CPS1: variants seen among roughly 807,000 people sequenced by gnomAD.
The protein encoded by CPS1 is carbamoyl-phosphate synthase 1.
Under a neutral mutation model 174.6 loss-of-function variants are expected in CPS1, and 109 were observed. The observed-to-expected ratio is 0.62, with a 90% CI of 0.53 to 0.73. The LOEUF is 0.73. Ranked by LOEUF, CPS1 falls within the 30% of genes least tolerant of loss-of-function variation. The pLI, the probability that CPS1 is intolerant of heterozygous loss-of-function variation, is 0.00. For synonymous variants in CPS1, 637 were observed against 632.0 expected (o/e 1.01, Z -0.12); for missense variants, 1,689 against 1,821.9 (o/e 0.93, Z 1.33).
chr2:210,674,797 G>A (rs545424670), intron 34 of CPS1, 105 bp from the exon 35 acceptor site: 81 of 949,250 alleles, frequency 8.5e-5, no homozygotes, highest in Admixed American at 2.9e-4. Context: ...TAAAGCATCC[G>A]GCAACATGTA....
upstream of CPS1, chr2:210,555,586 T>C: frequency 2.2e-6 from 1 of 455,268 alleles, no homozygotes; most frequent in South Asian, 1.6e-5. Flanking sequence ...TAGCACTGAT[T>C]CTATGTTATT....
intron 1 of CPS1, among the ~76,000 whole-genome samples, chr2:210,547,077 G>A (rs1200492701): frequency 6.6e-6 from 1 of 152,052 alleles, no homozygotes; most frequent in Non-Finnish European, 1.5e-5. Flanking sequence ...ATCTTGGCCT[G>A]TTACTAGCGC....
chr2:210,536,277 T>G, intron 1 of CPS1, among the ~76,000 whole-genome samples: 1 of 151,924 alleles, frequency 6.6e-6, no homozygotes, highest in Non-Finnish European at 1.5e-5. Flanking sequence ...TTTTTCTGGA[T>G]AGTTTTAAAT....
At chr2:210,511,375 C>A (rs973036353) in intron 1 of CPS1, among the ~76,000 whole-genome samples, 11 of 151,882 alleles carry the variant, frequency 7.2e-5, no homozygotes, top group Non-Finnish European at 1.3e-4. Context: ...ACACTTGGGG[C>A]CTGTTGTGGG....
intron 11 of CPS1, 127 bp downstream of exon 11, chr2:210,593,083 A>T (rs2106113607): frequency 1.2e-6 from 1 of 866,870 alleles, no homozygotes; most frequent in East Asian, 2.6e-5. Context: ...GTGCTTTGGT[A>T]ACACACATTT....
Position 210,678,105 on chromosome 2 carries a change from T to C in CPS1, c.*120T>C. ...AACTAAACTTCATTTCAGTTTACTT[T>C]GTTATGCCTTAATATTCTGTGTCTT... On this transcript the variant is annotated 3_prime_UTR_variant, in exon 38 of 38. Transcript: ENST00000233072. 1 of 826,496 alleles carries C rather than the reference T, an allele frequency of 1.2e-6. No individual in the cohort carries two copies. The highest frequency in any genetic ancestry group is 2.1e-6 in the Non-Finnish European group (1 of 465,830). 51.2% of individuals were successfully genotyped at this position (826,496 alleles called of 1,614,324 possible).
intron 1 of CPS1, among the ~76,000 whole-genome samples, chr2:210,485,580 T>C (rs1694694385): frequency 6.6e-6 from 1 of 152,206 alleles, no homozygotes; most frequent in South Asian, 2.1e-4. Flanking sequence ...TATTTTTAGA[T>C]TTATCTATAT....
chr2:210,544,762 T>C (rs1696519045), intron 1 of CPS1, among the ~76,000 whole-genome samples: 1 of 152,064 alleles, frequency 6.6e-6, no homozygotes, highest in Non-Finnish European at 1.5e-5. Context: ...GGGTATGGCA[T>C]TCTGAAGTAT....
Position 210,608,562 on chromosome 2 carries a change from G to A in CPS1, c.2391+3G>A. Reference sequence around the variant, plus strand: ...GCTCTATGAAAAGTGTAGGAGAGGTGAGTCCTTGGTTTATTACGCTTTTCT... The same window carrying A: ...GCTCTATGAAAAGTGTAGGAGAGGTAAGTCCTTGGTTTATTACGCTTTTCT... On this transcript the variant is annotated splice_donor_region_variant and intron_variant, in intron 19 of 37. Transcript: ENST00000233072. 6.2e-7 allele frequency: 1 copy of A among 1,610,890 alleles called. No homozygotes were observed. Among genetic ancestry groups the A allele is most frequent in the Non-Finnish European group, 8.5e-7 (1 of 1,177,820 alleles).
At chr2:210,607,268 C>T (rs1698946152) in intron 18 of CPS1, among the ~76,000 whole-genome samples, 1 of 151,916 alleles carries the variant, frequency 6.6e-6, no homozygotes, top group Non-Finnish European at 1.5e-5. Context: ...TAATTTTAGT[C>T]TTCAGCTGTT....
intron 1 of CPS1, among the ~76,000 whole-genome samples, chr2:210,561,609 T>C (rs1697103601): frequency 6.6e-6 from 1 of 152,202 alleles, no homozygotes; most frequent in South Asian, 2.1e-4. Flanking sequence ...ACTTCAAGCC[T>C]TCAGGAGGAG....
At chr2:210,563,218 T>G (rs1422145815) in intron 1 of CPS1, among the ~76,000 whole-genome samples, 3 of 152,158 alleles carry the variant, frequency 2.0e-5, no homozygotes, top group African/African-American at 7.2e-5. Context: ...TGCTGTTATT[T>G]TATTGCTTAC....
intron 21 of CPS1, among the ~76,000 whole-genome samples, chr2:210,634,115 A>G (rs538006218): frequency 6.0e-4 from 91 of 152,298 alleles, no homozygotes; most frequent in African/African-American, 2.1e-3. Flanking sequence ...ATACCTTTCT[A>G]AAACAAATAA....
chr2:210,670,430 CTTAG>C (rs1217150052), intron 34 of CPS1, among the ~76,000 whole-genome samples: 3 of 152,208 alleles, frequency 2.0e-5, no homozygotes, highest in Admixed American at 6.6e-5. Context: ...TTGACTACTT[CTTAG>C]TTAGTATGGG....
At position 210,660,572 on chromosome 2, in the gene CPS1, G is replaced by T. The variant is rs367999657; in HGVS notation, c.3844G>T (p.Val1282Leu). ...TGACTTCATTGATGTGGCCACCAAG[G>T]TGATGATTGGAGAGAATGTTGATGA... ...GVDFIDVATK[V>L]MIGENVDEKH... The change falls in exon 32 of 38, where the codon GTG becomes TTG. Residue 1282 changes from valine (V) to leucine (L), a missense_variant. Val to Leu is a conservative substitution (Grantham distance 32). Coordinates refer to ENST00000233072, the MANE Select transcript of CPS1 (RefSeq NM_001875.5). The T allele has an allele frequency of 6.2e-7, 1 of 1,614,006 alleles. No individual in the cohort carries two copies. Among genetic ancestry groups the T allele is most frequent in the Non-Finnish European group, 8.5e-7 (1 of 1,179,988 alleles).
chr2:210,490,556 A>G (rs1242814464), intron 1 of CPS1, among the ~76,000 whole-genome samples: 2 of 152,238 alleles, frequency 1.3e-5, no homozygotes, highest in Admixed American at 6.5e-5. Flanking sequence ...GCACCTATAA[A>G]GAGAGGAGTG....
chr2:210,626,410 C>CA (rs1308249453), intron 21 of CPS1, among the ~76,000 whole-genome samples: 5 of 151,968 alleles, frequency 3.3e-5, no homozygotes, highest in Admixed American at 2.6e-4. Context: ...ATTGAATTCA[C>CA]AAAATTCACA....
chr2:210,555,913 G>C (rs1247809330), upstream of CPS1, among the ~76,000 whole-genome samples: 1 of 152,024 alleles, frequency 6.6e-6, no homozygotes, highest in Admixed American at 6.6e-5. Context: ...CTTAGGAATA[G>C]TGCTTATATT....
chr2:210,628,911 T>C (rs1574614072), intron 21 of CPS1, among the ~76,000 whole-genome samples: 1 of 152,306 alleles, frequency 6.6e-6, no homozygotes, highest in East Asian at 1.9e-4. Flanking sequence ...ACAACCTAAG[T>C]GATGTTTGGA....
Sources: allele counts gnomAD v4.1 joint callset (sites outside exome capture counted in the v4.1 genomes callset), GRCh38; gene constraint gnomAD v4.1.1; transcripts MANE v1.5; gene names NCBI Gene and HGNC (gene_info 2026-07-23, HGNC 2026-07-21).